GRIP2: variants seen among roughly 807,000 people sequenced by gnomAD.
GRIP2 encodes the protein glutamate receptor-interacting protein 2.
A neutral mutation model predicts 108.3 loss-of-function variants in GRIP2; 58 were observed. The observed-to-expected ratio is 0.54, with a 90% confidence interval of 0.43 to 0.67. The LOEUF (loss-of-function observed/expected upper bound fraction) is 0.67. Ranked by LOEUF, GRIP2 falls within the 30% of genes least tolerant of loss-of-function variation. GRIP2 has a pLI of 0.00. For missense variants in GRIP2, 1,278 were observed against 1,430.6 expected (o/e 0.89, Z 1.72); for synonymous variants, 586 against 598.2 (o/e 0.98, Z 0.30).
At chr3:14,573,100 T>G in the GRIP2 span, 1 of 1,414,474 alleles carries the variant, frequency 7.1e-7, no homozygotes, top group Non-Finnish European at 1.0e-6. Flanking sequence ...AACCCCGAAA[T>G]GTGGGCAAAG....
At chr3:14,526,323 T>A (rs966196686) in intron 1 of GRIP2, among the ~76,000 whole-genome samples, 2 of 152,216 alleles carry the variant, frequency 1.3e-5, no homozygotes, top group African/African-American at 4.8e-5. Context: ...GCAATCTGCA[T>A]TAGAACCCAG....
rs2124920411 is a variant in GRIP2, at chr3:14,521,346, T to C, written c.712+296A>G. 3.1e-6 allele frequency: 1 copy of C among 326,072 alleles called. No individual in the cohort carries two copies. Among genetic ancestry groups the C allele is most frequent in the Non-Finnish European group, 5.5e-6 (1 of 180,288 alleles). The allele number at this position is 326,072 out of a possible 1,614,324, so 20.2% of individuals were successfully genotyped here. ...TCCCCTGCCTCTTTTCTTTTTTCCATAGCACTTATTGCCAACTGACATACA... is the reference window on the plus strand; with the variant it reads ...TCCCCTGCCTCTTTTCTTTTTTCCACAGCACTTATTGCCAACTGACATACA... On this transcript the variant is annotated intron_variant, in intron 7 of 23. Transcript: ENST00000621039. The surrounding 1 kb of genome is among the most constrained non-coding windows in gnomAD (Gnocchi z 5.1).
chr3:14,592,638 G>C, the GRIP2 span, among the ~76,000 whole-genome samples: 1 of 152,202 alleles, frequency 6.6e-6, no homozygotes, highest in African/African-American at 2.4e-5. Context: ...CGGCGGGAGT[G>C]TTTGATGTCA....
chr3:14,556,577 G>A (rs1411548381), upstream of GRIP2, among the ~76,000 whole-genome samples: 1 of 152,216 alleles, frequency 6.6e-6, no homozygotes, highest in African/African-American at 2.4e-5. Context: ...CTGGGCATGT[G>A]ATAGGGCCAC....
At chr3:14,510,485 G>A (rs1163969599) in intron 16 of GRIP2, among the ~76,000 whole-genome samples, 2 of 151,874 alleles carry the variant, frequency 1.3e-5, no homozygotes, top group Non-Finnish European at 2.9e-5. Context: ...GGCTGGTCTC[G>A]AACTCCTGGG....
At chr3:14,584,693 G>A in the GRIP2 span, among the ~76,000 whole-genome samples, 3 of 152,114 alleles carry the variant, frequency 2.0e-5, no homozygotes, top group Admixed American at 6.5e-5. Flanking sequence ...GCCCAGGCTC[G>A]CACAGCAAAT....
chr3:14,524,637 A>G, intron 3 of GRIP2, 99 bp from the exon 4 acceptor site: 1 of 1,330,102 alleles, frequency 7.5e-7, no homozygotes, highest in Non-Finnish European at 1.0e-6. Context: ...TGATCACTGG[A>G]TCCTCATTTC....
upstream of GRIP2, among the ~76,000 whole-genome samples, chr3:14,560,070 T>C (rs898399768): frequency 1.3e-5 from 2 of 151,954 alleles, no homozygotes; most frequent in African/African-American, 2.4e-5. Flanking sequence ...CTGGGCAACA[T>C]AGTGAGACTC....
chr3:14,563,679 C>T, the GRIP2 span, among the ~76,000 whole-genome samples: 1 of 152,098 alleles, frequency 6.6e-6, no homozygotes, highest in Non-Finnish European at 1.5e-5. Context: ...CGGGGCTCCA[C>T]AGTCATCAAG....
chr3:14,518,559 G>A (rs560793392), intron 9 of GRIP2, among the ~76,000 whole-genome samples: 15 of 152,164 alleles, frequency 9.9e-5, no homozygotes, highest in African/African-American at 3.4e-4. Context: ...CGACCCCCTA[G>A]GAGACCCTGC....
At chr3:14,574,147 T>A in the GRIP2 span, 1 of 929,334 alleles carries the variant, frequency 1.1e-6, no homozygotes, top group Non-Finnish European at 1.8e-6. Context: ...ATGCCATAGA[T>A]GCACACGGCT....
At chr3:14,583,940 T>C in the GRIP2 span, among the ~76,000 whole-genome samples, 6 of 152,162 alleles carry the variant, frequency 3.9e-5, no homozygotes, top group African/African-American at 1.4e-4. Context: ...ATTTCCTCCA[T>C]AGTTTGAGCA....
chr3:14,530,507 T>G (rs1276836434), intron 1 of GRIP2, among the ~76,000 whole-genome samples: 2 of 152,224 alleles, frequency 1.3e-5, no homozygotes, highest in African/African-American at 2.4e-5. Flanking sequence ...TCACAGTATA[T>G]TCCTCCATTC....
At chr3:14,518,558 A>G (rs531319001) in intron 9 of GRIP2, among the ~76,000 whole-genome samples, 10 of 151,920 alleles carry the variant, frequency 6.6e-5, no homozygotes, top group Non-Finnish European at 1.2e-4. Context: ...CCGACCCCCT[A>G]GGAGACCCTG....
rs58073255 is a variant in GRIP2 at position 14,492,251 on chromosome 3, G to A, written c.*1414C>T. 55,713 of 152,090 alleles carry A rather than the reference G, an allele frequency of 0.37. 10,795 individuals carry two copies. The highest frequency in any genetic ancestry group is 0.66 in the East Asian group (3,397 of 5,154). The allele number at this position is 152,090 out of a possible 1,614,324, so 9.4% of individuals were successfully genotyped here. ...GACTCCTCATCTGTTCCCTCAAATG[G>A]AAGAGCACTTTTCTGGCCTCCAGGG... On this transcript the variant is annotated 3_prime_UTR_variant, in exon 24 of 24. Coordinates refer to ENST00000621039, the MANE Select transcript of GRIP2 (RefSeq NM_001080423.4).
At chr3:14,569,840 G>A in the GRIP2 span, among the ~76,000 whole-genome samples, 8 of 152,064 alleles carry the variant, frequency 5.3e-5, no homozygotes, top group African/African-American at 1.7e-4. Flanking sequence ...GTGACCTGCC[G>A]TGGTCCCACA....
At chr3:14,501,818 T>C (rs12486097) in intron 21 of GRIP2, among the ~76,000 whole-genome samples, 11,652 of 152,172 alleles carry the variant, frequency 0.077, 528 homozygotes, top group African/African-American at 0.11. Flanking sequence ...TAATAAAAGA[T>C]TTCAATGTAA....
chr3:14,564,485 CAAA>C, the GRIP2 span, among the ~76,000 whole-genome samples: 1 of 152,266 alleles, frequency 6.6e-6, no homozygotes, highest in Admixed American at 6.5e-5. Context: ...GGTTCAGAGT[CAAA>C]CAGTGCTGGA....
the GRIP2 span, among the ~76,000 whole-genome samples, chr3:14,566,186 T>C: frequency 6.6e-6 from 1 of 152,064 alleles, no homozygotes; most frequent in African/African-American, 2.4e-5. Flanking sequence ...CACCGTAGTG[T>C]GGGAATCGGA....
Sources: allele counts gnomAD v4.1 joint callset (sites outside exome capture counted in the v4.1 genomes callset), GRCh38; gene constraint gnomAD v4.1.1; non-coding constraint Gnocchi (gnomAD v3.1); transcripts MANE v1.5; gene names NCBI Gene and HGNC (gene_info 2026-07-23, HGNC 2026-07-21).